Variants in CRK observed in about 807,000 individuals in gnomAD.
CRK encodes the protein adapter molecule crk.
Under a neutral mutation model 29.8 loss-of-function variants are expected in CRK, and 4 were observed. That is an observed-to-expected ratio of 0.13 (90% CI 0.07 to 0.31). The LOEUF is 0.31. Among genes scored for constraint, CRK ranks in the 10% least tolerant of loss-of-function variants. The probability of loss-of-function intolerance (pLI) is 1.00; values close to 1 mark genes in which losing one functional copy is unlikely to be tolerated. For synonymous variants in CRK, 153 were observed against 164.9 expected, an observed-to-expected ratio of 0.93 and a Z score of 0.55; for missense variants, 274 against 396.5, an observed-to-expected ratio of 0.69 and a Z score of 2.62.
At chr17:1,446,238 C>T (rs1037648083) in intron 1 of CRK, among the ~76,000 whole-genome samples, 10 of 152,124 alleles carry the variant, frequency 6.6e-5, no homozygotes, top group South Asian at 6.2e-4. Flanking sequence ...ACCTCCCACC[C>T]GGCTTTCACC....
chr17:1,441,154 C>T (rs150111487), intron 1 of CRK, among the ~76,000 whole-genome samples: 2 of 152,218 alleles, frequency 1.3e-5, no homozygotes, highest in East Asian at 3.9e-4. Context: ...TCTCGAATTC[C>T]TGAGCTCAAG....
intron 1 of CRK, among the ~76,000 whole-genome samples, chr17:1,440,434 G>A (rs559343114): frequency 2.6e-5 from 4 of 152,052 alleles, no homozygotes; most frequent in Non-Finnish European, 5.9e-5. Flanking sequence ...ACGCACTCCA[G>A]CCTGGGGGAC....
intron 2 of CRK, among the ~76,000 whole-genome samples, chr17:1,433,509 CTTT>C (rs60236552): frequency 5.1e-5 from 3 of 58,604 alleles, no homozygotes; most frequent in East Asian, 1.0e-3. Flanking sequence ...CCACGCCTGG[CTTT>C]TTTTTTTTTT....
chr17:1,443,722 T>TG (rs901489856), intron 1 of CRK, among the ~76,000 whole-genome samples: 16 of 137,556 alleles, frequency 1.2e-4, no homozygotes, highest in Non-Finnish European at 2.2e-4. Context: ...TTTTTTGAGA[T>TG]GGAGTCTCTT....
intron 2 of CRK, among the ~76,000 whole-genome samples, chr17:1,433,959 G>GA (rs1257272231): frequency 6.6e-6 from 1 of 150,626 alleles, no homozygotes; most frequent in East Asian, 2.0e-4. Context: ...CTCAGCCTCC[G>GA]AAAGTGCTGG....
intron 1 of CRK, among the ~76,000 whole-genome samples, chr17:1,451,286 A>G (rs2150914361): frequency 6.6e-6 from 1 of 151,254 alleles, no homozygotes; most frequent in Admixed American, 6.6e-5. Flanking sequence ...TAATAAAGCC[A>G]GTGGCACGAT....
chr17:1,436,964 C>T lies in CRK; in HGVS notation c.433G>A (p.Gly145Arg). 1 of 1,614,186 alleles carries T rather than the reference C, an allele frequency of 6.2e-7. No individual in the cohort carries two copies. Among genetic ancestry groups the T allele is most frequent in the Non-Finnish European group, 8.5e-7 (1 of 1,180,040 alleles). The stretch of plus-strand genomic sequence containing the variant: ...AAGGGAAGATCTTCCTCATCATTCC[C>T]ATTAAAGTCAAAGAGGGCTCGCACA... ...EYVRALFDFNGNDEEDLPFKK... is the reference protein window; with the variant it reads ...EYVRALFDFNRNDEEDLPFKK... Residue 145 changes from glycine (G) to arginine (R), a missense_variant, in exon 2 of 3, where the codon GGG (glycine) becomes AGG (arginine). This residue lies in a region of CRK where 18 missense variants were observed against 61.3 expected (regional missense o/e 0.29). Transcript: ENST00000300574.
chr17:1,425,249 C>A (rs1053600115), intron 2 of CRK, among the ~76,000 whole-genome samples: 7 of 151,872 alleles, frequency 4.6e-5, no homozygotes, highest in South Asian at 4.2e-4. Flanking sequence ...GCCACCACGC[C>A]CAGCTAATTT....
At chr17:1,437,418 G>T (rs896919392) in intron 1 of CRK, among the ~76,000 whole-genome samples, 2 of 151,848 alleles carry the variant, frequency 1.3e-5, no homozygotes, top group Non-Finnish European at 2.9e-5. Context: ...AAAAACTCTA[G>T]AAAAAATAAC....
chr17:1,436,431 GCTTA>G (rs1277060868), intron 2 of CRK, among the ~76,000 whole-genome samples, 185 bp downstream of exon 2: 2 of 152,132 alleles, frequency 1.3e-5, no homozygotes, highest in Non-Finnish European at 2.9e-5. Flanking sequence ...ACAGTTTTAA[GCTTA>G]CTCATTCCCA....
chr17:1,433,578 G>A (rs2073863897), intron 2 of CRK, among the ~76,000 whole-genome samples: 1 of 130,788 alleles, frequency 7.6e-6, no homozygotes, highest in Non-Finnish European at 1.5e-5. Context: ...AAGTGCTATG[G>A]CACGATCTCA....
intron 1 of CRK, among the ~76,000 whole-genome samples, chr17:1,445,366 A>G (rs868472934): frequency 6.6e-6 from 1 of 152,166 alleles, no homozygotes; most frequent in African/African-American, 2.4e-5. Flanking sequence ...AACAGTGAAC[A>G]GCCCAGACTC....
At chr17:1,451,713 T>TG (rs765487833) in intron 1 of CRK, among the ~76,000 whole-genome samples, 49 of 148,330 alleles carry the variant, frequency 3.3e-4, no homozygotes, top group Middle Eastern at 3.4e-3. Flanking sequence ...GGCAACATAG[T>TG]GGGGGGAAAA....
At chr17:1,428,136 T>TA (rs752576748) in intron 2 of CRK, among the ~76,000 whole-genome samples, 59 of 145,432 alleles carry the variant, frequency 4.1e-4, no homozygotes, top group Middle Eastern at 3.5e-3. Context: ...TTTTTTTTTT[T>TA]AATGGAGTTT....
intron 1 of CRK, among the ~76,000 whole-genome samples, chr17:1,441,884 C>G (rs1002821830): frequency 4.0e-5 from 6 of 150,960 alleles, no homozygotes; most frequent in African/African-American, 1.5e-4. Flanking sequence ...GAGATAGGGT[C>G]TGGCTCTGTG....
rs1464128051 is a variant in CRK, at chr17:1,423,071, G to A, written c.*442C>T. On this transcript the variant is annotated 3_prime_UTR_variant, in exon 3 of 3. Coordinates refer to ENST00000300574, the MANE Select transcript of CRK (RefSeq NM_016823.4). ...CAATCCTGCTTGATACTATTCACAC[G>A]GTGCATGATTACTTCACGGGGGTGG... 12 of 403,394 alleles carry A rather than the reference G, an allele frequency of 3.0e-5. No individual in the cohort carries two copies. Among genetic ancestry groups the A allele is most frequent in the Admixed American group, 8.6e-5 (2 of 23,290 alleles). 25.0% of individuals were successfully genotyped at this position (403,394 alleles called of 1,614,324 possible).
chr17:1,438,076 T>C (rs1180654196), intron 1 of CRK, among the ~76,000 whole-genome samples: 1 of 152,106 alleles, frequency 6.6e-6, no homozygotes, highest in Non-Finnish European at 1.5e-5. Context: ...TCACACATTT[T>C]TTCTCTTCAC....
chr17:1,452,928 A>AC (rs1305112619), intron 1 of CRK, among the ~76,000 whole-genome samples: 3 of 152,152 alleles, frequency 2.0e-5, no homozygotes, highest in East Asian at 3.9e-4. Flanking sequence ...ATACCGTGAG[A>AC]CCCCTCATCT....
chr17:1,438,397 T>A (rs557529387), intron 1 of CRK, among the ~76,000 whole-genome samples: 3 of 152,128 alleles, frequency 2.0e-5, no homozygotes, highest in Admixed American at 6.6e-5. Context: ...TCCAAAGTGT[T>A]GGGATTACAG....
Sources: allele counts gnomAD v4.1 joint callset (sites outside exome capture counted in the v4.1 genomes callset), GRCh38; gene constraint gnomAD v4.1.1; regional missense constraint gnomAD v4.1.1; transcripts MANE v1.5; gene names NCBI Gene and HGNC (gene_info 2026-07-23, HGNC 2026-07-21).